EBF1: variants seen among roughly 807,000 people sequenced by gnomAD.
The protein encoded by EBF1 is EBF transcription factor 1, also known as transcription factor COE1.
EBF1 carries 10 observed loss-of-function variants against 68.4 expected under a neutral mutation model. The ratio of observed to expected loss-of-function variants is 0.15; its 90% CI spans 0.09 to 0.25. The LOEUF (loss-of-function observed/expected upper bound fraction) is 0.25. Among genes scored for constraint, EBF1 ranks in the 10% least tolerant of loss-of-function variants. EBF1 has a pLI of 1.00. For synonymous variants in EBF1, 298 were observed against 299.8 expected (o/e 0.99, Z 0.06); for missense variants, 509 against 794.4 (o/e 0.64, Z 4.32).
At chr5:159,095,973 C>G (rs565773146) in intron 3 of EBF1, among the ~76,000 whole-genome samples, 1 of 152,342 alleles carries the variant, frequency 6.6e-6, no homozygotes, top group South Asian at 2.1e-4. Context: ...CGGCAAGAGT[C>G]CCTCTGCTCT....
intron 9 of EBF1, among the ~76,000 whole-genome samples, chr5:158,786,292 C>T (rs1353790527): frequency 6.6e-6 from 1 of 151,978 alleles, no homozygotes; most frequent in Non-Finnish European, 1.5e-5. Context: ...GTTAATTGTA[C>T]AAAACAAAAT....
At chr5:158,952,477 C>T (rs1816229067) in intron 6 of EBF1, among the ~76,000 whole-genome samples, 1 of 152,150 alleles carries the variant, frequency 6.6e-6, no homozygotes, top group Non-Finnish European at 1.5e-5. Context: ...CTCCCCCTTG[C>T]ACTAAAAACA....
chr5:158,742,398 A>G (rs1766601368), intron 10 of EBF1, among the ~76,000 whole-genome samples: 1 of 152,226 alleles, frequency 6.6e-6, no homozygotes, highest in Non-Finnish European at 1.5e-5. Flanking sequence ...ACATTCTTTA[A>G]GTATTCCTCA....
At chr5:158,766,701 T>C (rs954992187) in intron 10 of EBF1, among the ~76,000 whole-genome samples, 4 of 152,128 alleles carry the variant, frequency 2.6e-5, no homozygotes, top group Admixed American at 1.3e-4. Flanking sequence ...TGAAGCAAAT[T>C]ATGGTGCAGC....
Position 158,698,174 on chromosome 5 carries a change from C to G in EBF1, c.*937G>C, listed in dbSNP as rs185524095. 2.3e-5 allele frequency: 5 copies of G among 220,752 alleles called. No homozygotes were observed. In the East Asian group the frequency reaches 3.3e-4, roughly 14 times the overall value. The allele number at this position is 220,752 out of a possible 1,614,324, so 13.7% of individuals were successfully genotyped here. On this transcript the variant is annotated 3_prime_UTR_variant, in exon 16 of 16. Transcript: ENST00000313708. ...TTAAACTTGCAAATGGGGGAGCGTA[C>G]GTGAGGTTTTGGCTTGTTAACTGGA...
chr5:158,844,678 C>A (rs768187365), intron 6 of EBF1, among the ~76,000 whole-genome samples: 14 of 152,194 alleles, frequency 9.2e-5, no homozygotes, highest in Admixed American at 2.0e-4. Context: ...ATAATATTAG[C>A]TTCTCAAGCC....
chr5:158,953,156 T>G (rs1816388175), intron 6 of EBF1, among the ~76,000 whole-genome samples: 1 of 152,212 alleles, frequency 6.6e-6, no homozygotes, highest in Non-Finnish European at 1.5e-5. Flanking sequence ...ATCCATCTGC[T>G]AACTACACCA....
chr5:158,842,279 C>T (rs1251397424), intron 6 of EBF1, among the ~76,000 whole-genome samples: 1 of 152,208 alleles, frequency 6.6e-6, no homozygotes, highest in African/African-American at 2.4e-5. Context: ...TTTCAGAAAC[C>T]ATTTAATACA....
At chr5:158,734,671 G>A (rs1393767225) in intron 10 of EBF1, among the ~76,000 whole-genome samples, 1 of 151,922 alleles carries the variant, frequency 6.6e-6, no homozygotes, top group East Asian at 1.9e-4. Context: ...AGAAGAAATG[G>A]GACTAACCAA....
intron 6 of EBF1, among the ~76,000 whole-genome samples, chr5:159,070,885 G>T (rs966870662): frequency 2.0e-5 from 3 of 152,160 alleles, no homozygotes; most frequent in African/African-American, 7.2e-5. Context: ...CCCTAAGCAC[G>T]TAACACAGAT....
At chr5:158,951,263 G>A (rs985299733) in intron 6 of EBF1, among the ~76,000 whole-genome samples, 2 of 152,222 alleles carry the variant, frequency 1.3e-5, no homozygotes, top group African/African-American at 4.8e-5. Flanking sequence ...TTACTAAACA[G>A]TGGCTCTATT....
chr5:158,836,027 A>G (rs1330386822), intron 7 of EBF1, among the ~76,000 whole-genome samples: 1 of 152,212 alleles, frequency 6.6e-6, no homozygotes, highest in African/African-American at 2.4e-5. Context: ...GAACATGCTG[A>G]ATATAGACAC....
intron 9 of EBF1, among the ~76,000 whole-genome samples, chr5:158,795,409 G>T (rs1376971292): frequency 6.6e-6 from 1 of 152,168 alleles, no homozygotes; most frequent in African/African-American, 2.4e-5. Flanking sequence ...AAAGAAGGGT[G>T]AGATGATCTA....
intron 6 of EBF1, among the ~76,000 whole-genome samples, chr5:159,069,550 T>A (rs372364509): frequency 1.3e-5 from 2 of 152,164 alleles, no homozygotes; most frequent in Non-Finnish European, 2.9e-5. Flanking sequence ...TAAGAATGAA[T>A]GGTCATCCTA....
intron 8 of EBF1, among the ~76,000 whole-genome samples, chr5:158,806,176 G>A (rs562397970): frequency 3.3e-5 from 5 of 152,120 alleles, no homozygotes; most frequent in African/African-American, 9.7e-5. Flanking sequence ...TTGGTAGATG[G>A]CTCTGGGTTT....
intron 8 of EBF1, among the ~76,000 whole-genome samples, chr5:158,816,545 A>G (rs1562010620): frequency 1.3e-5 from 2 of 152,238 alleles, no homozygotes; most frequent in Non-Finnish European, 2.9e-5. Flanking sequence ...GCTGTGGCTC[A>G]GGCATTGCCC....
intron 9 of EBF1, among the ~76,000 whole-genome samples, chr5:158,789,964 A>G (rs1292842227): frequency 6.6e-6 from 1 of 152,208 alleles, no homozygotes; most frequent in Non-Finnish European, 1.5e-5. Context: ...TGGTTTTCCA[A>G]TTTTTTGATT....
chr5:158,777,616 A>C (rs1775556921), intron 9 of EBF1, 77 bp from the exon 10 acceptor site: 2 of 1,441,444 alleles, frequency 1.4e-6, no homozygotes, highest in South Asian at 1.5e-5. Context: ...GCTCTCCATA[A>C]ACAAAGCTTT....
chr5:159,071,798 A>G (rs1255466751), intron 6 of EBF1, among the ~76,000 whole-genome samples: 1 of 152,188 alleles, frequency 6.6e-6, no homozygotes, highest in Non-Finnish European at 1.5e-5. Flanking sequence ...CATCATCTAA[A>G]CCAAAAGGAA....
Sources: allele counts gnomAD v4.1 joint callset (sites outside exome capture counted in the v4.1 genomes callset), GRCh38; gene constraint gnomAD v4.1.1; transcripts MANE v1.5; gene names NCBI Gene and HGNC (gene_info 2026-07-23, HGNC 2026-07-21).